Variants in ZNF385D observed in about 807,000 individuals in gnomAD.
ZNF385D encodes the protein zinc finger protein 385D, also known as zinc finger protein 659.
ZNF385D carries 15 observed loss-of-function variants against 35.8 expected under a neutral mutation model. That is an observed-to-expected ratio of 0.42 (90% CI 0.28 to 0.64). The LOEUF is 0.64. Ranked by LOEUF, ZNF385D falls within the 30% of genes least tolerant of loss-of-function variation. The probability of loss-of-function intolerance (pLI) is 0.23; values close to 1 mark genes in which losing one functional copy is unlikely to be tolerated. For missense variants in ZNF385D, 474 were observed against 494.6 expected, an observed-to-expected ratio of 0.96 and a Z score of 0.39; for synonymous variants, 212 against 186.8, an observed-to-expected ratio of 1.13 and a Z score of -1.10.
intron 3 of ZNF385D, among the ~76,000 whole-genome samples, chr3:22,161,629 A>G (rs1362258068): frequency 6.6e-6 from 1 of 152,140 alleles, no homozygotes; most frequent in Admixed American, 6.6e-5. Flanking sequence ...TCTTCAAAAA[A>G]GTATGCTAAC....
At chr3:22,036,560 T>A (rs1469004209) in intron 3 of ZNF385D, among the ~76,000 whole-genome samples, 1 of 151,730 alleles carries the variant, frequency 6.6e-6, no homozygotes, top group Non-Finnish European at 1.5e-5. Flanking sequence ...GCAAATGAAT[T>A]TTTTTTTAGG....
chr3:22,321,902 AATTTTT>A (rs1190031454), intron 2 of ZNF385D, among the ~76,000 whole-genome samples: 1 of 152,076 alleles, frequency 6.6e-6, no homozygotes, highest in Non-Finnish European at 1.5e-5. Context: ...TCTCAATATT[AATTTTT>A]AAGATAATTA....
chr3:22,318,643 A>G (rs558333268), intron 2 of ZNF385D, among the ~76,000 whole-genome samples: 12 of 152,322 alleles, frequency 7.9e-5, no homozygotes, highest in African/African-American at 2.9e-4. Flanking sequence ...AGATAAGCAG[A>G]TATTAAGCAG....
intron 2 of ZNF385D, among the ~76,000 whole-genome samples, chr3:21,580,197 T>A (rs73135000): frequency 0.03 from 4,555 of 152,286 alleles, 152 homozygotes; most frequent in South Asian, 0.11. Flanking sequence ...TTACTGAGAC[T>A]GTTTCTTGCC....
intron 3 of ZNF385D, among the ~76,000 whole-genome samples, chr3:21,941,641 G>T (rs975399571): frequency 1.5e-4 from 23 of 151,946 alleles, no homozygotes; most frequent in African/African-American, 5.3e-4. Flanking sequence ...GGGACCACAG[G>T]CGCCCGCCAC....
chr3:21,612,774 T>C (rs768732976), intron 2 of ZNF385D, among the ~76,000 whole-genome samples: 23 of 152,306 alleles, frequency 1.5e-4, no homozygotes, highest in Admixed American at 5.2e-4. Flanking sequence ...AATCTAAACC[T>C]CAATTTTTCT....
intron 3 of ZNF385D, among the ~76,000 whole-genome samples, chr3:22,048,585 T>A (rs1397938467): frequency 6.6e-6 from 1 of 152,216 alleles, no homozygotes; most frequent in Non-Finnish European, 1.5e-5. Context: ...GGACTCTTTA[T>A]TGTGTTCTAT....
chr3:21,534,880 G>C (rs2062000395), intron 3 of ZNF385D, among the ~76,000 whole-genome samples: 2 of 152,152 alleles, frequency 1.3e-5, no homozygotes, highest in Middle Eastern at 6.8e-3. Flanking sequence ...GGGGTTATTG[G>C]AAGTCTATGG....
chr3:21,733,986 T>C (rs1012428405), intron 1 of ZNF385D, among the ~76,000 whole-genome samples: 1 of 152,202 alleles, frequency 6.6e-6, no homozygotes, highest in Non-Finnish European at 1.5e-5. Context: ...TATTATGTTT[T>C]TTTGGTATAT....
At chr3:21,962,518 T>C (rs976672504) in intron 3 of ZNF385D, among the ~76,000 whole-genome samples, 4 of 152,226 alleles carry the variant, frequency 2.6e-5, no homozygotes, top group Non-Finnish European at 4.4e-5. Context: ...AAAGGTTTGG[T>C]CTGCATTTTA....
intron 2 of ZNF385D, 84 bp downstream of exon 2, chr3:21,664,802 G>T: frequency 6.4e-7 from 1 of 1,560,818 alleles, no homozygotes; most frequent in Non-Finnish European, 8.8e-7. Flanking sequence ...GCAAAATGGA[G>T]GCAGTGGCCG....
At chr3:21,825,674 A>G (rs1252250425) in intron 3 of ZNF385D, among the ~76,000 whole-genome samples, 1 of 152,182 alleles carries the variant, frequency 6.6e-6, no homozygotes, top group African/African-American at 2.4e-5. Context: ...GAAGAGAGGG[A>G]CGCTGTGGAA....
chr3:21,594,495 C>A (rs1350105279), intron 2 of ZNF385D, among the ~76,000 whole-genome samples: 2 of 152,090 alleles, frequency 1.3e-5, no homozygotes, highest in African/African-American at 4.8e-5. Context: ...AGAATGGCTT[C>A]AGCCTGATCC....
At chr3:22,037,326 CAACA>C (rs1431522912) in intron 3 of ZNF385D, among the ~76,000 whole-genome samples, 1 of 148,302 alleles carries the variant, frequency 6.7e-6, no homozygotes, top group South Asian at 2.2e-4. Flanking sequence ...ACAGTCCCAC[CAACA>C]GTGTAAAAGT....
chr3:21,746,725 A>G (rs938393305), intron 1 of ZNF385D, among the ~76,000 whole-genome samples: 2 of 152,204 alleles, frequency 1.3e-5, no homozygotes, highest in Non-Finnish European at 2.9e-5. Flanking sequence ...AATTCCTCAT[A>G]ACAGATCACT....
At chr3:21,453,054 A>C (rs966714129) in intron 4 of ZNF385D, among the ~76,000 whole-genome samples, 22 of 151,916 alleles carry the variant, frequency 1.4e-4, no homozygotes, top group Non-Finnish European at 2.4e-4. Context: ...AAGAGTCTGG[A>C]AGGAAACCCA....
chr3:21,952,880 G>A (rs890892521), intron 3 of ZNF385D, among the ~76,000 whole-genome samples: 1 of 151,888 alleles, frequency 6.6e-6, no homozygotes, highest in South Asian at 2.1e-4. Flanking sequence ...GATGCCAAAG[G>A]TAGAATTGCT....
chr3:22,340,893 T>G (rs1378751440), intron 2 of ZNF385D, among the ~76,000 whole-genome samples: 2 of 152,204 alleles, frequency 1.3e-5, no homozygotes, highest in African/African-American at 4.8e-5. Context: ...CACAAGGGAA[T>G]TCTTTGCTGT....
chr3:21,785,404 G>A (rs1413992572), intron 3 of ZNF385D, among the ~76,000 whole-genome samples: 4 of 152,068 alleles, frequency 2.6e-5, no homozygotes, highest in Admixed American at 2.0e-4. Flanking sequence ...GTGTGTGTGA[G>A]AACACTTAAG....
Sources: gnomAD v4.1 joint callset for allele counts (sites outside exome capture counted in the v4.1 genomes callset) on GRCh38, gnomAD v4.1.1 for gene constraint, MANE v1.5 for transcripts, NCBI Gene and HGNC (gene_info 2026-07-23, HGNC 2026-07-21) for gene names.